The following EIF4G3 variants were observed in gnomAD, a reference collection of about 807,000 sequenced individuals.
EIF4G3 encodes eukaryotic translation initiation factor 4 gamma 3.
In EIF4G3, 34 loss-of-function variants were observed where a neutral mutation model predicts 186.4. That is an observed-to-expected ratio of 0.18 (90% CI 0.14 to 0.24). The LOEUF (loss-of-function observed/expected upper bound fraction) is 0.24. Ranked by LOEUF, EIF4G3 falls within the 10% of genes least tolerant of loss-of-function variation. The probability of loss-of-function intolerance (pLI) is 1.00; values close to 1 mark genes in which losing one functional copy is unlikely to be tolerated. For synonymous variants in EIF4G3, 673 were observed against 679.5 expected, an observed-to-expected ratio of 0.99 and a Z score of 0.15; for missense variants, 1,536 against 1,948.5, an observed-to-expected ratio of 0.79 and a Z score of 3.99.
Position 20,982,488 on chromosome 1 carries a change from G to C in EIF4G3, c.178-80C>G. On this transcript the variant is annotated intron_variant, in intron 7 of 36. Transcript: ENST00000602326. ...GCTTACAGATCAGTTGGAAGGGACA[G>C]GAAATAGCATGCAGCTCAACAAAAA... is the stretch of plus-strand genomic sequence containing the variant. 3 of 1,048,944 alleles carry C rather than the reference G, an allele frequency of 2.9e-6. No individual in the cohort carries two copies. In the South Asian group the frequency reaches 4.6e-5, roughly 16 times the overall value. 65.0% of individuals were successfully genotyped at this position (1,048,944 alleles called of 1,614,324 possible).
chr1:21,166,929 G>A (rs563723187), intron 2 of EIF4G3, among the ~76,000 whole-genome samples: 2 of 151,860 alleles, frequency 1.3e-5, no homozygotes, highest in African/African-American at 4.8e-5. Flanking sequence ...CTACAGGCAC[G>A]TGCAACCGCG....
At chr1:20,883,861 C>T (rs1372229096) in intron 19 of EIF4G3, among the ~76,000 whole-genome samples, 1 of 152,026 alleles carries the variant, frequency 6.6e-6, no homozygotes, top group Non-Finnish European at 1.5e-5. Context: ...GGTTAAAAAG[C>T]TCGAATGGAA....
intron 2 of EIF4G3, among the ~76,000 whole-genome samples, chr1:21,158,974 C>T (rs2097710940): frequency 6.8e-6 from 1 of 148,112 alleles, no homozygotes; most frequent in African/African-American, 2.5e-5. Context: ...AGATTTGAGG[C>T]ACAAAAAAAA....
At chr1:20,928,406 T>G (rs2095077053) in intron 14 of EIF4G3, among the ~76,000 whole-genome samples, 1 of 152,156 alleles carries the variant, frequency 6.6e-6, no homozygotes, top group Admixed American at 6.5e-5. Context: ...CATATCATAC[T>G]CATTTTTCTT....
intron 30 of EIF4G3, among the ~76,000 whole-genome samples, chr1:20,836,969 G>C (rs930962923): frequency 5.3e-5 from 8 of 152,130 alleles, no homozygotes; most frequent in Non-Finnish European, 8.8e-5. Flanking sequence ...GAAAATATCA[G>C]GACGATGGCT....
chr1:21,125,397 T>C (rs1382806310), intron 2 of EIF4G3, among the ~76,000 whole-genome samples: 1 of 152,326 alleles, frequency 6.6e-6, no homozygotes, highest in East Asian at 1.9e-4. Context: ...CAGGGTTATA[T>C]ATTCCATACA....
At chr1:20,917,146 A>G (rs186309748) in intron 14 of EIF4G3, among the ~76,000 whole-genome samples, 107 of 152,306 alleles carry the variant, frequency 7.0e-4, no homozygotes, top group Non-Finnish European at 1.2e-3. Context: ...ATACTCGGCA[A>G]TTTTTAAAAA....
At chr1:20,863,292 G>A (rs1381917827) in intron 22 of EIF4G3, among the ~76,000 whole-genome samples, 4 of 151,124 alleles carry the variant, frequency 2.6e-5, no homozygotes, top group Admixed American at 6.6e-5. Context: ...TAGCAATTAG[G>A]GAGGCCAAGG....
At chr1:21,012,819 A>G (rs1334033330) in intron 4 of EIF4G3, among the ~76,000 whole-genome samples, 1 of 152,166 alleles carries the variant, frequency 6.6e-6, no homozygotes, top group South Asian at 2.1e-4. Flanking sequence ...TATCGGGAAA[A>G]CAGAAAGAAT....
intron 31 of EIF4G3, 110 bp from the exon 32 acceptor site, chr1:20,827,808 A>G (rs892576095): frequency 4.9e-6 from 3 of 606,306 alleles, no homozygotes; most frequent in Non-Finnish European, 5.9e-6. Flanking sequence ...CCTACATAAT[A>G]CTGGGCAAGC....
intron 2 of EIF4G3, among the ~76,000 whole-genome samples, chr1:21,170,190 TAAAC>T (rs1249972272): frequency 9.9e-4 from 150 of 152,266 alleles, no homozygotes; most frequent in African/African-American, 3.4e-3. Flanking sequence ...AATAAATAAA[TAAAC>T]AAACAAACAA....
rs1284834880 is a variant in EIF4G3, at chr1:20,942,040, G to C, written c.1114C>G (p.Leu372Val). 1 of 1,614,072 alleles carries C rather than the reference G, an allele frequency of 6.2e-7. No individual in the cohort carries two copies. The highest frequency in any genetic ancestry group is 1.1e-5 in the South Asian group (1 of 91,088). Residue 372 changes from leucine to valine, a missense_variant, in exon 14 of 37, where the codon CTC becomes GTC. Coordinates refer to ENST00000602326, the MANE Select transcript of EIF4G3 (RefSeq NM_001391906.1). ...PREDTIPIPS[L>V]TSCTETSDPL... Reference sequence around the variant, plus strand: ...TCTGATGTTTCTGTGCAAGATGTGAGGCTGGGTATAGGAATTGTGTCTTCT... The same window carrying C: ...TCTGATGTTTCTGTGCAAGATGTGACGCTGGGTATAGGAATTGTGTCTTCT...
chr1:20,998,266 C>A (rs547980752), intron 6 of EIF4G3, among the ~76,000 whole-genome samples: 1 of 150,180 alleles, frequency 6.7e-6, no homozygotes, highest in African/African-American at 2.5e-5. Flanking sequence ...AGTTTAAATG[C>A]GGTTAACTAA....
At chr1:20,949,519 C>T (rs2096112806) in intron 13 of EIF4G3, among the ~76,000 whole-genome samples, 1 of 152,138 alleles carries the variant, frequency 6.6e-6, no homozygotes, top group African/African-American at 2.4e-5. Flanking sequence ...CAATCAAGAC[C>T]AAATAACTAG....
At chr1:20,887,433 G>C (rs1430682313) in intron 18 of EIF4G3, among the ~76,000 whole-genome samples, 4 of 152,138 alleles carry the variant, frequency 2.6e-5, no homozygotes, top group Non-Finnish European at 4.4e-5. Context: ...CGATAACACA[G>C]TCTGGGGCCT....
At chr1:21,006,667 T>A (rs1301148777) in intron 4 of EIF4G3, among the ~76,000 whole-genome samples, 1 of 152,228 alleles carries the variant, frequency 6.6e-6, no homozygotes, top group Non-Finnish European at 1.5e-5. Flanking sequence ...CCTTATGGTG[T>A]ACATATAACC....
chr1:20,880,612 G>A (rs891600136), intron 19 of EIF4G3, among the ~76,000 whole-genome samples: 1 of 152,134 alleles, frequency 6.6e-6, no homozygotes, highest in Admixed American at 6.6e-5. Context: ...TTAGCTGGGT[G>A]TGGTGGTGCA....
chr1:21,141,828 G>A (rs886111868), intron 2 of EIF4G3, among the ~76,000 whole-genome samples: 1 of 151,996 alleles, frequency 6.6e-6, no homozygotes, highest in Non-Finnish European at 1.5e-5. Flanking sequence ...CTACTAGAGA[G>A]GTTGAAGGGG....
chr1:20,956,448 T>C (rs1237963954), intron 12 of EIF4G3, among the ~76,000 whole-genome samples: 1 of 152,004 alleles, frequency 6.6e-6, no homozygotes, highest in Non-Finnish European at 1.5e-5. Context: ...GTTCCTGTTG[T>C]CTAAGGAGAG....
Sources: allele counts gnomAD v4.1 joint callset (sites outside exome capture counted in the v4.1 genomes callset), GRCh38; gene constraint gnomAD v4.1.1; transcripts MANE v1.5; gene names NCBI Gene and HGNC (gene_info 2026-07-23, HGNC 2026-07-21).